Variants in RAD51B observed in about 807,000 individuals in gnomAD.
RAD51B encodes DNA repair protein RAD51 homolog 2.
Under a neutral mutation model 42.2 loss-of-function variants are expected in RAD51B, and 38 were observed. That is an observed-to-expected ratio of 0.90 (90% CI 0.70 to 1.18). The LOEUF is 1.18. Ranked by LOEUF, RAD51B falls within the 50% of genes most tolerant of loss-of-function variation. RAD51B has a pLI of 0.00. For missense variants in RAD51B, 373 were observed against 400.7 expected (o/e 0.93, Z 0.59); for synonymous variants, 154 against 145.2 (o/e 1.06, Z -0.43).
intron 8 of RAD51B, among the ~76,000 whole-genome samples, chr14:68,375,187 G>A (rs2083342349): frequency 1.3e-5 from 2 of 152,100 alleles, no homozygotes; most frequent in Admixed American, 6.5e-5. Context: ...GAGCCAGGGT[G>A]TGAGGATGTC....
At chr14:68,369,263 A>G (rs894425541) in intron 8 of RAD51B, among the ~76,000 whole-genome samples, 1 of 152,208 alleles carries the variant, frequency 6.6e-6, no homozygotes, top group Non-Finnish European at 1.5e-5. Flanking sequence ...GGGTTTGGCT[A>G]TTGTAAAATT....
chr14:67,958,455 GAGA>G (rs2140223590), intron 7 of RAD51B, among the ~76,000 whole-genome samples: 1 of 152,280 alleles, frequency 6.6e-6, no homozygotes, highest in South Asian at 2.1e-4. Context: ...GAAAAATACA[GAGA>G]AGCCACCCAC....
At chr14:67,944,279 C>T (rs1379839645) in intron 7 of RAD51B, among the ~76,000 whole-genome samples, 1 of 148,788 alleles carries the variant, frequency 6.7e-6, no homozygotes, top group Non-Finnish European at 1.5e-5. Flanking sequence ...TATGTTTGTG[C>T]CAGCTTTGTC....
At chr14:68,682,140 A>G (rs1893444845) in intron 11 of RAD51B, among the ~76,000 whole-genome samples, 1 of 152,124 alleles carries the variant, frequency 6.6e-6, no homozygotes, top group Admixed American at 6.6e-5. Flanking sequence ...AGGGGACACA[A>G]TCCCAATTTT....
chr14:68,400,013 T>A (rs1033886129), intron 8 of RAD51B, among the ~76,000 whole-genome samples: 1 of 152,220 alleles, frequency 6.6e-6, no homozygotes, highest in South Asian at 2.1e-4. Flanking sequence ...TTCTTTTCTC[T>A]TCTGTTCTTA....
intron 9 of RAD51B, among the ~76,000 whole-genome samples, chr14:68,464,450 T>C (rs1013648090): frequency 3.3e-5 from 5 of 152,252 alleles, no homozygotes; most frequent in Non-Finnish European, 7.3e-5. Context: ...ATGTAAGCTC[T>C]ATTAGAGGAG....
chr14:68,068,269 C>T (rs1043875032), intron 7 of RAD51B, among the ~76,000 whole-genome samples: 3 of 150,792 alleles, frequency 2.0e-5, no homozygotes, highest in African/African-American at 7.5e-5. Context: ...TTAATAGTCA[C>T]TCTGCATTTC....
At chr14:68,330,987 C>T (rs2082335441) in intron 8 of RAD51B, among the ~76,000 whole-genome samples, 1 of 152,084 alleles carries the variant, frequency 6.6e-6, no homozygotes, top group Non-Finnish European at 1.5e-5. Flanking sequence ...AGAATACAAA[C>T]CAAGACTCAG....
At chr14:68,641,191 T>C (rs896207533) in intron 10 of RAD51B, among the ~76,000 whole-genome samples, 1 of 152,264 alleles carries the variant, frequency 6.6e-6, no homozygotes, top group African/African-American at 2.4e-5. Context: ...TACTCATGTC[T>C]GCCGTGTGTT....
chr14:68,410,048 G>T (rs974767991), intron 8 of RAD51B, among the ~76,000 whole-genome samples: 2 of 152,056 alleles, frequency 1.3e-5, no homozygotes, highest in Admixed American at 1.3e-4. Context: ...CTGACCCAGG[G>T]GTTCTCAACT....
chr14:67,932,179 C>G (rs1434610969), intron 7 of RAD51B, among the ~76,000 whole-genome samples: 1 of 152,144 alleles, frequency 6.6e-6, no homozygotes, highest in Non-Finnish European at 1.5e-5. Flanking sequence ...ATCTTTATGT[C>G]CATGTGTACC....
chr14:68,339,460 C>T, intron 8 of RAD51B: 2 of 545,866 alleles, frequency 3.7e-6, no homozygotes, highest in South Asian at 2.6e-5. Context: ...ACTTCCTTGG[C>T]CTCCTGCTTC....
chr14:68,192,945 C>A (rs993247247), intron 7 of RAD51B, among the ~76,000 whole-genome samples: 1 of 152,146 alleles, frequency 6.6e-6, no homozygotes, highest in African/African-American at 2.4e-5. Context: ...TCAGCTTCAT[C>A]CTAAATTGCA....
intron 7 of RAD51B, among the ~76,000 whole-genome samples, chr14:68,264,064 G>A (rs1208946612): frequency 6.6e-6 from 1 of 152,214 alleles, no homozygotes; most frequent in Middle Eastern, 3.2e-3. Flanking sequence ...AGATGGCTCT[G>A]TAAACATACC....
At chr14:68,297,116 T>C (rs2081629961) in intron 8 of RAD51B, among the ~76,000 whole-genome samples, 1 of 152,222 alleles carries the variant, frequency 6.6e-6, no homozygotes, top group Non-Finnish European at 1.5e-5. Context: ...ATATGCAAGT[T>C]TGTGGCTTGT....
chr14:68,172,520 C>T lies in RAD51B; in HGVS notation c.757-119364C>T, dbSNP rs116033318. 5.3e-3 allele frequency among the ~76,000 whole-genome samples: 813 copies of T among 152,134 alleles called. 5 individuals are homozygous for T. Among genetic ancestry groups the T allele is most frequent in the African/African-American group, 0.019 (780 of 41,500 alleles). The stretch of plus-strand genomic sequence containing the variant: ...CAGGATTGTGAACTCTTGCCAAACT[C>T]CTCCATAAAATTCCATAAGCTTGTG... On this transcript the variant is annotated intron_variant, in intron 7 of 10. Coordinates refer to ENST00000471583, the MANE Select transcript of RAD51B (RefSeq NM_133510.4).
chr14:67,948,844 A>G (rs1300821695), intron 7 of RAD51B, among the ~76,000 whole-genome samples: 1 of 139,234 alleles, frequency 7.2e-6, no homozygotes, highest in African/African-American at 2.6e-5. Context: ...AGGCAGGAGA[A>G]TGGTGTGAAC....
At chr14:68,055,083 C>G (rs934543290) in intron 7 of RAD51B, among the ~76,000 whole-genome samples, 9 of 152,186 alleles carry the variant, frequency 5.9e-5, no homozygotes, top group Middle Eastern at 6.8e-3. Flanking sequence ...TTATAATAAT[C>G]CCCCTTAACA....
chr14:68,669,800 C>T (rs767468607), intron 11 of RAD51B, among the ~76,000 whole-genome samples: 6 of 152,192 alleles, frequency 3.9e-5, no homozygotes, highest in Non-Finnish European at 2.9e-5. Context: ...AGCTAAAGCC[C>T]CAGCCAGAAC....
Sources: allele counts gnomAD v4.1 joint callset (sites outside exome capture counted in the v4.1 genomes callset), GRCh38; gene constraint gnomAD v4.1.1; transcripts MANE v1.5; gene names NCBI Gene and HGNC (gene_info 2026-07-23, HGNC 2026-07-21).